PCBP3: variants seen among roughly 807,000 people sequenced by gnomAD.
PCBP3 encodes the protein poly(rC)-binding protein 3.
PCBP3 carries 25 observed loss-of-function variants against 52.7 expected under a neutral mutation model. That is an observed-to-expected ratio of 0.47 (90% CI 0.35 to 0.66). The LOEUF (loss-of-function observed/expected upper bound fraction) is 0.66. PCBP3 is among the 30% of genes least tolerant of loss of function. PCBP3 has a pLI of 0.01. For synonymous variants in PCBP3, 162 were observed against 183.0 expected, an observed-to-expected ratio of 0.89 and a Z score of 0.93; for missense variants, 391 against 490.3, an observed-to-expected ratio of 0.80 and a Z score of 1.91.
At chr21:45,797,732 A>T (rs2092029520) in intron 4 of PCBP3, among the ~76,000 whole-genome samples, 1 of 139,968 alleles carries the variant, frequency 7.1e-6, no homozygotes, top group Non-Finnish European at 1.5e-5. Context: ...TGGATGGACG[A>T]GTGCGTGGAT....
intron 2 of PCBP3, among the ~76,000 whole-genome samples, chr21:45,702,233 C>T (rs1412081784): frequency 6.6e-6 from 1 of 152,150 alleles, no homozygotes; most frequent in African/African-American, 2.4e-5. Context: ...CAGTCTTGCC[C>T]TGCAAACAAA....
At chr21:45,908,922 C>T (rs530923772) in intron 9 of PCBP3, among the ~76,000 whole-genome samples, 88 of 152,304 alleles carry the variant, frequency 5.8e-4, no homozygotes, top group Non-Finnish European at 9.9e-4. Flanking sequence ...GCCCCCGTGC[C>T]CTCCACACCC....
chr21:45,905,609 G>C (rs7283763), intron 9 of PCBP3, among the ~76,000 whole-genome samples: 49,826 of 152,104 alleles, frequency 0.33, 9,129 homozygotes, highest in East Asian at 0.67. Flanking sequence ...AGTCTCAGAT[G>C]GAGGTGCCAT....
intron 13 of PCBP3, among the ~76,000 whole-genome samples, chr21:45,919,753 C>T (rs1316762098): frequency 6.6e-6 from 1 of 152,182 alleles, no homozygotes; most frequent in Non-Finnish European, 1.5e-5. Flanking sequence ...CACCACACAC[C>T]GGAAGGCACT....
intron 2 of PCBP3, among the ~76,000 whole-genome samples, chr21:45,711,394 AT>A (rs2083827662): frequency 6.6e-6 from 1 of 152,194 alleles, no homozygotes; most frequent in Non-Finnish European, 1.5e-5. Context: ...TCATACTGAC[AT>A]TTGTAACTTG....
chr21:45,754,964 T>G (rs1167381811), intron 3 of PCBP3, among the ~76,000 whole-genome samples: 1 of 152,230 alleles, frequency 6.6e-6, no homozygotes, highest in East Asian at 1.9e-4. Context: ...TTGGTATCTT[T>G]TTTAACATCA....
chr21:45,885,086 C>T (rs575440760), intron 5 of PCBP3, among the ~76,000 whole-genome samples: 25 of 152,336 alleles, frequency 1.6e-4, no homozygotes, highest in Admixed American at 9.8e-4. Flanking sequence ...CTTCTCCCAG[C>T]GTAGGCACGC....
At chr21:45,868,063 G>A (rs549680705) in intron 5 of PCBP3, among the ~76,000 whole-genome samples, 5 of 152,400 alleles carry the variant, frequency 3.3e-5, no homozygotes, top group African/African-American at 9.6e-5. Flanking sequence ...GGGCCCGTCC[G>A]GAATTAGTGG....
rs1311238874 is a variant in PCBP3 at position 45,791,955 on chromosome 21, C to T, written c.-126+36503C>T. On this transcript the variant is annotated intron_variant, in intron 4 of 17. Transcript: ENST00000681687. The surrounding 1 kb of genome is among the most constrained non-coding windows in gnomAD (Gnocchi z 4.2). ...CAGTCCCCATCCTTAGGGCAGTGCC[C>T]GCCCTCAGGCTGACAGCCTTTCCTT... 1.3e-5 allele frequency among the ~76,000 whole-genome samples: 2 copies of T among 152,242 alleles called. No individual in the cohort carries two copies. Among genetic ancestry groups the T allele is most frequent in the Admixed American group, 6.5e-5 (1 of 15,290 alleles).
At chr21:45,678,119 A>G (rs1448472764) in intron 2 of PCBP3, among the ~76,000 whole-genome samples, 3 of 152,074 alleles carry the variant, frequency 2.0e-5, no homozygotes, top group African/African-American at 4.8e-5. Context: ...AGGTGGGAGG[A>G]TCACAAGGTC....
rs369852988 is a variant in PCBP3, at chr21:45,790,901, T to G, written c.-126+35449T>G. ...AAGGTGGAGTTTTGAAGAGTTTTAC[T>G]ACAAAGGAAAAGAGAGTAGTAGGGG... On this transcript the variant is annotated intron_variant, in intron 4 of 17. Coordinates refer to ENST00000681687, the MANE Select transcript of PCBP3 (RefSeq NM_001384156.1). Among the ~76,000 whole-genome samples, 316 of 152,212 alleles carry G rather than the reference T, an allele frequency of 2.1e-3. 1 individual carries two copies. Among genetic ancestry groups the G allele is most frequent in the African/African-American group, 7.4e-3 (306 of 41,526 alleles).
intron 4 of PCBP3, among the ~76,000 whole-genome samples, chr21:45,787,460 C>T (rs1435150498): frequency 1.3e-5 from 2 of 151,814 alleles, no homozygotes. Flanking sequence ...GTTGCCCATG[C>T]TGGTCTCAAA....
rs1452543086 is a variant in PCBP3, at chr21:45,837,838, G to T, written c.-125-12123G>T. Among the ~76,000 whole-genome samples the T allele has an allele frequency of 6.6e-6, 1 of 152,230 alleles. No homozygotes were observed. Among genetic ancestry groups the T allele is most frequent in the African/African-American group, 2.4e-5 (1 of 41,452 alleles). ...TAGGGGGTCAGCCTGATCCGCCACT[G>T]CTGGGTTCCCCACCAGCCTTGCAGC... On this transcript the variant is annotated intron_variant, in intron 4 of 17. Coordinates refer to ENST00000681687, the MANE Select transcript of PCBP3 (RefSeq NM_001384156.1). This position sits in a 1 kb window ranked among gnomAD's most constrained non-coding sequence, Gnocchi z 4.1.
chr21:45,764,907 G>C (rs569408817), intron 4 of PCBP3, among the ~76,000 whole-genome samples: 52 of 152,302 alleles, frequency 3.4e-4, no homozygotes, highest in Middle Eastern at 3.4e-3. Flanking sequence ...CTCTTGGAAG[G>C]GGGGAGGTCT....
chr21:45,813,415 T>C (rs957028667), intron 4 of PCBP3, among the ~76,000 whole-genome samples: 1 of 152,232 alleles, frequency 6.6e-6, no homozygotes. Flanking sequence ...ATGAGTTCAC[T>C]CATTATGTTC....
intron 4 of PCBP3, among the ~76,000 whole-genome samples, chr21:45,767,040 T>TC (rs1001010981): frequency 6.6e-6 from 1 of 151,858 alleles, no homozygotes; most frequent in Non-Finnish European, 1.5e-5. Flanking sequence ...GTCACTCCCC[T>TC]CCCCCCTTTT....
intron 4 of PCBP3, among the ~76,000 whole-genome samples, chr21:45,757,610 T>C (rs2088191065): frequency 6.6e-6 from 1 of 152,212 alleles, no homozygotes; most frequent in Non-Finnish European, 1.5e-5. Context: ...TCCGAGGTTA[T>C]GGAGATGTAC....
chr21:45,823,203 C>T (rs2093197950), intron 4 of PCBP3, among the ~76,000 whole-genome samples: 1 of 152,246 alleles, frequency 6.6e-6, no homozygotes, highest in African/African-American at 2.4e-5. Context: ...ATGACCTCTG[C>T]AGTCCCCATG....
At chr21:45,804,024 T>C (rs1404215682) in intron 4 of PCBP3, among the ~76,000 whole-genome samples, 1 of 152,234 alleles carries the variant, frequency 6.6e-6, no homozygotes, top group Middle Eastern at 3.2e-3. Flanking sequence ...GTGGTGCTTC[T>C]CTTCCTCATC....
Sources: allele counts gnomAD v4.1 joint callset (sites outside exome capture counted in the v4.1 genomes callset), GRCh38; gene constraint gnomAD v4.1.1; non-coding constraint Gnocchi (gnomAD v3.1); transcripts MANE v1.5; gene names NCBI Gene and HGNC (gene_info 2026-07-23, HGNC 2026-07-21).